The following SMAD4 variants were observed in gnomAD, a reference collection of about 807,000 sequenced individuals.
SMAD4 encodes the protein MAD homolog 4.
In SMAD4, 7 loss-of-function variants were observed where a neutral mutation model predicts 63.2. The observed-to-expected ratio is 0.11, with a 90% confidence interval of 0.06 to 0.21. The LOEUF (loss-of-function observed/expected upper bound fraction) is 0.21. Among genes scored for constraint, SMAD4 ranks in the 10% least tolerant of loss-of-function variants. SMAD4 has a pLI of 1.00. For synonymous variants in SMAD4, 215 were observed against 235.4 expected (o/e 0.91, Z 0.79); for missense variants, 312 against 693.8 (o/e 0.45, Z 6.18).
intron 10 of SMAD4, 50 bp from the exon 11 acceptor site, chr18:51,076,588 A>G (rs1338810092): frequency 1.9e-6 from 3 of 1,566,830 alleles, no homozygotes; most frequent in South Asian, 1.1e-5. Context: ...TTTTTAATGT[A>G]TGGAATTTTT....
intron 1 of SMAD4, among the ~76,000 whole-genome samples, chr18:51,038,923 A>G (rs760023214): frequency 1.3e-5 from 2 of 152,236 alleles, no homozygotes; most frequent in Non-Finnish European, 2.9e-5. Context: ...CTTGGCCAAC[A>G]TGACGAAACC....
rs2144427833 is a variant in SMAD4, at chr18:51,058,248, T to C, written c.787+4T>C. The stretch of plus-strand genomic sequence containing the variant: ...CAGCCAGCTACTTACCATCATAGTA[T>C]GTACATACTTTAAAAAATCTTTTAA... On this transcript the variant is annotated splice_donor_region_variant and intron_variant, in intron 6 of 11. Transcript: ENST00000342988. 1 of 1,611,204 alleles carries C rather than the reference T, an allele frequency of 6.2e-7. No individual in the cohort carries two copies. The highest frequency in any genetic ancestry group is 2.2e-5 in the East Asian group (1 of 44,890).
At chr18:51,030,723 G>GCGT (rs1909018623) in intron 1 of SMAD4, 100 bp downstream of exon 1, 1 of 151,414 alleles carries the variant, frequency 6.6e-6, no homozygotes, top group African/African-American at 2.4e-5. Flanking sequence ...GGCGGCGGCG[G>GCGT]CGGCGGCGGC....
At position 51,058,345 on chromosome 18, in the gene SMAD4, A is replaced by G. The variant is rs1909898754; in HGVS notation, c.793A>G (p.Thr265Ala). ...ATGTGGGCCTTAATTTTTAGACAGC[A>G]CTACCACCTGGACTGGAAGTAGGAC... ...GQPATYHHNS[T>A]TTWTGSRTAP... is the part of the protein sequence containing the mutation. Residue 265 changes from threonine to alanine, a missense_variant, in exon 7 of 12, where the codon ACT becomes GCT. This residue lies in a region of SMAD4 where 169 missense variants were observed against 211.0 expected (regional missense o/e 0.80). Coordinates refer to ENST00000342988, the MANE Select transcript of SMAD4 (RefSeq NM_005359.6). The G allele has an allele frequency of 6.2e-7, 1 of 1,614,096 alleles. No individual in the cohort carries two copies. Among genetic ancestry groups the G allele is most frequent in the South Asian group, 1.1e-5 (1 of 91,086 alleles).
At chr18:51,076,498 A>G (rs2144472917) in intron 10 of SMAD4, 140 bp from the exon 11 acceptor site, 4 of 737,578 alleles carry the variant, frequency 5.4e-6, no homozygotes, top group Non-Finnish European at 9.1e-6. Context: ...CACAATGTAC[A>G]TAAAAGTTTA....
At chr18:51,047,319 A>ATAC (rs1568203062) in intron 2 of SMAD4, 24 bp downstream of exon 2, 2 of 1,607,354 alleles carry the variant, frequency 1.2e-6, no homozygotes, top group East Asian at 4.5e-5. Context: ...GAGTTTTTCT[A>ATAC]TACCCTCTAT....
chr18:51,030,372 A>G lies in SMAD4; in HGVS notation c.-379A>G, dbSNP rs1231283839. ...TCTCCCCTAGGCTCCGCGGCCGCCC[A>G]GGGGGTGGGAGCGGGTGAGGGGAGC... On this transcript the variant is annotated 5_prime_UTR_variant, in exon 1 of 12. Coordinates refer to ENST00000342988, the MANE Select transcript of SMAD4 (RefSeq NM_005359.6). 1 of 150,706 alleles carries G rather than the reference A, an allele frequency of 6.6e-6. No homozygotes were observed. The highest frequency in any genetic ancestry group is 2.4e-5 in the African/African-American group (1 of 40,846). 9.3% of individuals were successfully genotyped at this position (150,706 alleles called of 1,614,324 possible).
At chr18:51,035,732 TC>T (rs1909184131) in intron 1 of SMAD4, among the ~76,000 whole-genome samples, 1 of 152,194 alleles carries the variant, frequency 6.6e-6, no homozygotes, top group Admixed American at 6.5e-5. Flanking sequence ...TCTGTAGAGA[TC>T]ATCTAGGGCA....
At chr18:51,070,041 G>T (rs1910274762) in intron 10 of SMAD4, among the ~76,000 whole-genome samples, 1 of 152,190 alleles carries the variant, frequency 6.6e-6, no homozygotes, top group African/African-American at 2.4e-5. Flanking sequence ...TTATTTGTAT[G>T]TGGTTGAAGC....
chr18:51,042,495 C>T (rs1909417281), intron 1 of SMAD4, among the ~76,000 whole-genome samples: 1 of 151,610 alleles, frequency 6.6e-6, no homozygotes, highest in Non-Finnish European at 1.5e-5. Context: ...CCTCAGCCTT[C>T]TGAGTAGCTG....
Position 51,048,874 on chromosome 18 carries a change from GC to G in SMAD4, c.424+15del, listed in dbSNP as rs1167202837. The G allele has an allele frequency of 6.2e-7, 1 of 1,604,586 alleles. No individual in the cohort carries two copies. Among genetic ancestry groups the G allele is most frequent in the South Asian group, 1.1e-5 (1 of 90,896 alleles). On this transcript the variant is annotated intron_variant, in intron 3 of 11. Transcript: ENST00000342988. ...CACCTGGAATTGGTAAGTAGACTTT[GC>G]TTTCATCCTAAGAAACATAAAGGGA...
intron 4 of SMAD4, among the ~76,000 whole-genome samples, chr18:51,050,592 G>T (rs2144410085): frequency 6.6e-6 from 1 of 151,602 alleles, no homozygotes; most frequent in African/African-American, 2.4e-5. Context: ...CCGGGAGGCA[G>T]AGGTTGCAGT....
At position 51,078,223 on chromosome 18, in the gene SMAD4, T is replaced by A. The variant is rs368121123; in HGVS notation, c.1448-33T>A. 3.3e-4 allele frequency: 502 copies of A among 1,538,304 alleles called. 1 individual carries two copies. The highest frequency in any genetic ancestry group is 4.0e-4 in the Non-Finnish European group (445 of 1,111,634). On this transcript the variant is annotated intron_variant, in intron 11 of 11. Coordinates refer to ENST00000342988, the MANE Select transcript of SMAD4 (RefSeq NM_005359.6). ...GGGAGGATGGGAAGAGATCACCCTG[T>A]CCCTCTGATGTCTTCCAAATCTTTT...
intron 11 of SMAD4, 110 bp downstream of exon 11, chr18:51,076,886 T>A (rs780812624): frequency 1.2e-4 from 101 of 809,578 alleles, no homozygotes; most frequent in South Asian, 2.7e-4. Flanking sequence ...AGTTTTTTTT[T>A]ACTGGGATGA....
chr18:51,032,644 G>C (rs1909085421), intron 1 of SMAD4, among the ~76,000 whole-genome samples: 1 of 151,990 alleles, frequency 6.6e-6, no homozygotes, highest in Non-Finnish European at 1.5e-5. Flanking sequence ...CCTAATTTAT[G>C]CTGCCCAGTC....
At chr18:51,049,656 AAT>A in intron 4 of SMAD4, 1 of 281,064 alleles carries the variant, frequency 3.6e-6, no homozygotes, top group Non-Finnish European at 6.8e-6. Context: ...AGCCAGTTTA[AAT>A]GGATGTTAAA....
At chr18:51,031,907 G>T (rs913422006) in intron 1 of SMAD4, among the ~76,000 whole-genome samples, 1 of 152,008 alleles carries the variant, frequency 6.6e-6, no homozygotes, top group Non-Finnish European at 1.5e-5. Flanking sequence ...TAATGCTAAG[G>T]ACTTACTCTC....
At chr18:51,041,607 G>T (rs1401086949) in intron 1 of SMAD4, among the ~76,000 whole-genome samples, 2 of 152,198 alleles carry the variant, frequency 1.3e-5, no homozygotes, top group African/African-American at 4.8e-5. Flanking sequence ...AGTTGCCCCT[G>T]GTTGAGAACT....
chr18:51,068,953 C>T (rs989435978), intron 10 of SMAD4, among the ~76,000 whole-genome samples: 10 of 151,944 alleles, frequency 6.6e-5, no homozygotes, highest in Admixed American at 5.9e-4. Context: ...AATACATAGA[C>T]TATGATCTCA....
Sources: gnomAD v4.1 joint callset for allele counts (sites outside exome capture counted in the v4.1 genomes callset) on GRCh38, gnomAD v4.1.1 for gene constraint, gnomAD v4.1.1 regional missense constraint, MANE v1.5 for transcripts, NCBI Gene and HGNC (gene_info 2026-07-23, HGNC 2026-07-21) for gene names.